Variants in MASP1 observed in about 807,000 individuals in gnomAD.
MASP1 encodes the protein MBL associated serine protease 1.
A neutral mutation model predicts 77.1 loss-of-function variants in MASP1; 59 were observed. The observed-to-expected ratio is 0.77, with a 90% CI of 0.62 to 0.95. MASP1 has a LOEUF of 0.95. MASP1 is among the 40% of genes least tolerant of loss of function. The probability of loss-of-function intolerance (pLI) is 0.00; values close to 1 mark genes in which losing one functional copy is unlikely to be tolerated. For synonymous variants in MASP1, 362 were observed against 354.5 expected (o/e 1.02, Z -0.24); for missense variants, 885 against 912.9 (o/e 0.97, Z 0.39).
intron 2 of MASP1, among the ~76,000 whole-genome samples, chr3:187,282,495 CAAAAA>C (rs113211164): frequency 2.3e-5 from 3 of 131,110 alleles, no homozygotes; most frequent in Admixed American, 8.0e-5. Flanking sequence ...GATTCCGTTT[CAAAAA>C]AAAAAAAAAA....
chr3:187,245,325 G>A (rs1360484727), intron 8 of MASP1, among the ~76,000 whole-genome samples: 1 of 151,992 alleles, frequency 6.6e-6, no homozygotes, highest in Non-Finnish European at 1.5e-5. Flanking sequence ...CTTAACTTTG[G>A]TCCACCTGAC....
At chr3:187,236,963 A>C (rs1007239547) in intron 10 of MASP1, among the ~76,000 whole-genome samples, 1 of 152,198 alleles carries the variant, frequency 6.6e-6, no homozygotes, top group African/African-American at 2.4e-5. Context: ...GGTCCATGCT[A>C]TGGGAACCTA....
intron 10 of MASP1, 133 bp from the exon 11 acceptor site, chr3:187,236,700 G>A: frequency 6.7e-7 from 1 of 1,491,114 alleles, no homozygotes; most frequent in East Asian, 2.3e-5. Flanking sequence ...ACCTGCCTGG[G>A]TCATGCTAGC....
At chr3:187,249,693 T>C (rs1395228533) in intron 8 of MASP1, among the ~76,000 whole-genome samples, 1 of 152,194 alleles carries the variant, frequency 6.6e-6, no homozygotes, top group Non-Finnish European at 1.5e-5. Flanking sequence ...AAGGGTCTTA[T>C]TCACAGTCAC....
chr3:187,268,675 A>C (rs1355656847), intron 2 of MASP1, among the ~76,000 whole-genome samples: 5 of 152,232 alleles, frequency 3.3e-5, no homozygotes, highest in Non-Finnish European at 7.3e-5. Flanking sequence ...ATGGCAATGT[A>C]CTTCAGGAAG....
At chr3:187,243,244 G>C in intron 9 of MASP1, 1 of 536,606 alleles carries the variant, frequency 1.9e-6, no homozygotes, top group South Asian at 2.0e-5. Flanking sequence ...TAGCTTTAAA[G>C]TTAAAAACAA....
At chr3:187,248,466 C>G (rs1043496095) in intron 8 of MASP1, among the ~76,000 whole-genome samples, 3 of 152,194 alleles carry the variant, frequency 2.0e-5, no homozygotes, top group African/African-American at 7.2e-5. Flanking sequence ...CTGAGAGGGA[C>G]TGTCAGCTTG....
In MASP1 at chr3:187,234,832, A is replaced by T. The variant is rs1713007470; in HGVS notation, c.*852T>A. 6 of 1,287,138 alleles carry T rather than the reference A, an allele frequency of 4.7e-6. No individual in the cohort carries two copies. In the South Asian group the frequency reaches 7.4e-5, roughly 16 times the overall value. 79.7% of individuals were successfully genotyped at this position (1,287,138 alleles called of 1,614,324 possible). On this transcript the variant is annotated 3_prime_UTR_variant, in exon 11 of 11. Coordinates refer to ENST00000296280, the MANE Select transcript of MASP1 (RefSeq NM_139125.4). ...GGCTTCAGGTAGCCTTTCAGATAAT[A>T]CATTTCAAGGCTGAAAGATTGCTTT...
chr3:187,222,123 T>C (rs1217013020), intron 14 of MASP1, among the ~76,000 whole-genome samples: 1 of 152,196 alleles, frequency 6.6e-6, no homozygotes, highest in African/African-American at 2.4e-5. Context: ...CCTCAGCAAC[T>C]GCTGAGCACC....
chr3:187,281,461 C>T (rs1264841949), intron 2 of MASP1, among the ~76,000 whole-genome samples: 1 of 152,134 alleles, frequency 6.6e-6, no homozygotes, highest in East Asian at 1.9e-4. Context: ...AGGAAAAATG[C>T]CTCAAAACAG....
intron 9 of MASP1, 73 bp from the exon 10 acceptor site, chr3:187,241,628 G>T: frequency 1.0e-6 from 1 of 1,003,786 alleles, no homozygotes; most frequent in Middle Eastern, 2.2e-4. Context: ...ATAGATCTGG[G>T]TATTTAATTT....
intron 2 of MASP1, chr3:187,276,444 C>G (rs1006001658): frequency 2.0e-5 from 3 of 152,190 alleles, no homozygotes; most frequent in African/African-American, 7.2e-5. Context: ...CTCTTCGTCC[C>G]TTAACTTTTC....
At chr3:187,229,036 G>C (rs766362830) in intron 11 of MASP1, among the ~76,000 whole-genome samples, 2 of 152,168 alleles carry the variant, frequency 1.3e-5, no homozygotes, top group African/African-American at 2.4e-5. Context: ...TTCTTCCTTG[G>C]GGGTGGGATC....
rs185254175 is a variant in MASP1 at position 187,268,900 on chromosome 3, A to G, written c.238-6180T>C. On this transcript the variant is annotated intron_variant, in intron 2 of 10. Transcript: ENST00000296280. ...GCCAACATAGTGAAGCCCCATCTCTACCAAAAATACAAAAATTAGCTGGGC... is the reference window on the plus strand; with the variant it reads ...GCCAACATAGTGAAGCCCCATCTCTGCCAAAAATACAAAAATTAGCTGGGC... Among the ~76,000 whole-genome samples, 121 of 151,576 alleles carry G rather than the reference A, an allele frequency of 8.0e-4. 1 individual carries two copies. In the Middle Eastern group the frequency reaches 0.01, roughly 13 times the overall value.
At chr3:187,246,997 T>G in intron 8 of MASP1, 1 of 1,232,996 alleles carries the variant, frequency 8.1e-7, no homozygotes, top group South Asian at 1.8e-5. Flanking sequence ...GCCACATGGT[T>G]GTATATTAAA....
chr3:187,244,718 T>C (rs1394660843), intron 8 of MASP1: 1 of 152,218 alleles, frequency 6.6e-6, no homozygotes, highest in African/African-American at 2.4e-5. Flanking sequence ...CTAGTGGTTC[T>C]TAAGGATCTG....
At chr3:187,225,484 A>T (rs371480858) in exon 13 of MASP1, 3 of 1,614,160 alleles carry the variant, frequency 1.9e-6, no homozygotes, top group Non-Finnish European at 2.5e-6. Context: ...GTTCATTTTC[A>T]TCTGACCGGA....
intron 8 of MASP1, among the ~76,000 whole-genome samples, chr3:187,249,729 G>T (rs898911594): frequency 6.6e-6 from 1 of 152,212 alleles, no homozygotes; most frequent in African/African-American, 2.4e-5. Context: ...CAGAGCCAAG[G>T]CAAGAACTCT....
Position 187,241,519 on chromosome 3 carries a change from T to G in MASP1, c.1265A>C (p.Asn422Thr). ...GGGTAGGCTTCTCCCCAATACTTTA[T>G]TCATCCAGACTCCTTGGGCAGAACA... ...YTCSAQGVWM[N>T]KVLGRSLPTC... The change falls in exon 10 of 11, where the codon AAT becomes ACT. Residue 422 changes from asparagine (N) to threonine (T), a missense_variant. Physicochemically the swap from Asn to Thr is moderately conservative, Grantham distance 65. Transcript: ENST00000296280. 6.2e-7 allele frequency: 1 copy of G among 1,613,840 alleles called. No individual in the cohort carries two copies.
Sources: gnomAD v4.1 joint callset for allele counts (sites outside exome capture counted in the v4.1 genomes callset) on GRCh38, gnomAD v4.1.1 for gene constraint, MANE v1.5 for transcripts, NCBI Gene and HGNC (gene_info 2026-07-23, HGNC 2026-07-21) for gene names.